Variants in ENO2 observed in about 807,000 individuals in gnomAD.
ENO2 encodes the protein gamma-enolase.
Under a neutral mutation model 48.7 loss-of-function variants are expected in ENO2, and 19 were observed. That is an observed-to-expected ratio of 0.39 (90% CI 0.27 to 0.57). ENO2 has a LOEUF of 0.57. ENO2 is among the 20% of genes least tolerant of loss of function. The pLI, the probability that ENO2 is intolerant of heterozygous loss-of-function variation, is 0.58. For missense variants in ENO2, 416 were observed against 555.0 expected, an observed-to-expected ratio of 0.75 and a Z score of 2.52; for synonymous variants, 198 against 213.4, an observed-to-expected ratio of 0.93 and a Z score of 0.63.
chr12:6,922,918 CCT>C lies in ENO2; in HGVS notation c.*119_*120del. The C allele has an allele frequency of 9.7e-7, 1 of 1,034,014 alleles. No individual in the cohort carries two copies. Among genetic ancestry groups the C allele is most frequent in the Non-Finnish European group, 1.5e-6 (1 of 678,466 alleles). The allele number at this position is 1,034,014 out of a possible 1,614,324, so 64.1% of individuals were successfully genotyped here. On this transcript the variant is annotated 3_prime_UTR_variant, in exon 12 of 12. Coordinates refer to ENST00000229277, the MANE Select transcript of ENO2 (RefSeq NM_001975.3). This position sits in a 1 kb window ranked among gnomAD's most constrained non-coding sequence, Gnocchi z 5.3. ...TGAGCCCCAGGGTGCCCAGAACTTCCCTGATTGACCTGCTCCGCTGCTCCTTG... is the reference window on the plus strand; with the variant it reads ...TGAGCCCCAGGGTGCCCAGAACTTCCGATTGACCTGCTCCGCTGCTCCTTG...
Position 6,916,446 on chromosome 12 carries a change from G to A in ENO2, c.115G>A (p.Ala39Thr). 1 of 1,614,022 alleles carries A rather than the reference G, an allele frequency of 6.2e-7. No homozygotes were observed. The highest frequency in any genetic ancestry group is 8.5e-7 in the Non-Finnish European group (1 of 1,179,978). The part of the protein sequence containing the change: ...GLFRAAVPSG[A>T]STGIYEALEL... ...TTTCCGGGCTGCAGTGCCCAGTGGA[G>A]CCTCTACGGGCATCTATGAGGCCCT... The change falls in exon 3 of 12, where the codon GCC becomes ACC. Residue 39 changes from alanine (A) to threonine (T), a missense_variant. Ala to Thr is a moderately conservative substitution (Grantham distance 58). Transcript: ENST00000229277. The surrounding 1 kb of genome is among the most constrained non-coding windows in gnomAD (Gnocchi z 4.5).
In ENO2 at chr12:6,922,822, G is replaced by C; in HGVS notation, c.*22G>C. 1 of 1,613,016 alleles carries C rather than the reference G, an allele frequency of 6.2e-7. No individual in the cohort carries two copies. Among genetic ancestry groups the C allele is most frequent in the African/African-American group, 1.3e-5 (1 of 74,958 alleles). On this transcript the variant is annotated 3_prime_UTR_variant, in exon 12 of 12. Transcript: ENST00000229277. This position sits in a 1 kb window ranked among gnomAD's most constrained non-coding sequence, Gnocchi z 5.3. ...GTGATTCCTCTGCTTGCCTGGAGAC[G>C]TGGAACCTCTGTCTCATCCTCCTGG...
At position 6,919,704 on chromosome 12, in the gene ENO2, G is replaced by T. The variant is rs782355235; in HGVS notation, c.806G>T (p.Arg269Leu). 74 of 1,613,926 alleles carry T rather than the reference G, an allele frequency of 4.6e-5. No individual in the cohort carries two copies. Among genetic ancestry groups the T allele is most frequent in the Non-Finnish European group, 6.3e-5 (74 of 1,180,034 alleles). The change falls in exon 8 of 12, where the codon CGA (arginine) becomes CTA (leucine). Residue 269 changes from arginine (R) to leucine (L), a missense_variant. By Grantham distance (102) the Arg-to-Leu change is moderately radical. Coordinates refer to ENST00000229277, the MANE Select transcript of ENO2 (RefSeq NM_001975.3). ...TTCAAGTCTCCCACTGATCCTTCCCGATACATCACTGGGGACCAGCTGGGG... is the reference window on the plus strand; with the variant it reads ...TTCAAGTCTCCCACTGATCCTTCCCTATACATCACTGGGGACCAGCTGGGG... The part of the protein sequence containing the change: ...LDFKSPTDPS[R>L]YITGDQLGAL...
At chr12:6,921,877 A>G (rs1415206749) in intron 9 of ENO2, 95 bp downstream of exon 9, 3 of 1,541,458 alleles carry the variant, frequency 1.9e-6, no homozygotes, top group Non-Finnish European at 2.7e-6. Context: ...GGTGCCAAAG[A>G]GAGCGGGGAA....
chr12:6,919,608 C>G lies in ENO2; in HGVS notation c.710C>G (p.Thr237Arg). 1 of 1,614,108 alleles carries G rather than the reference C, an allele frequency of 6.2e-7. No individual in the cohort carries two copies. Among genetic ancestry groups the G allele is most frequent in the South Asian group, 1.1e-5 (1 of 91,072 alleles). Residue 237 changes from threonine to arginine, a missense_variant, in exon 8 of 12, where the codon ACG becomes AGG. Coordinates refer to ENST00000229277, the MANE Select transcript of ENO2 (RefSeq NM_001975.3). ...GAAGCCATCGACAAGGCTGGCTACA[C>G]GGAAAAGATCGTTATTGGCATGGAT... ...VKEAIDKAGYTEKIVIGMDVA... is the reference protein window; with the variant it reads ...VKEAIDKAGYREKIVIGMDVA...
chr12:6,916,615 T>C lies in ENO2; in HGVS notation c.182-56T>C. The C allele has an allele frequency of 1.2e-6, 2 of 1,612,536 alleles. No individual in the cohort carries two copies. The highest frequency in any genetic ancestry group is 1.3e-5 in the African/African-American group (1 of 74,996). The stretch of plus-strand genomic sequence containing the variant: ...TCTAGCATGGCTTCCCCTCCTCCCA[T>C]TGATCCCTTCCGGCCCCTCCTGGCC... On this transcript the variant is annotated intron_variant, in intron 3 of 11. Coordinates refer to ENST00000229277, the MANE Select transcript of ENO2 (RefSeq NM_001975.3). This position sits in a 1 kb window ranked among gnomAD's most constrained non-coding sequence, Gnocchi z 4.5.
At chr12:6,919,869 TAAG>T in intron 8 of ENO2, 106 bp downstream of exon 8, 1 of 1,248,700 alleles carries the variant, frequency 8.0e-7, no homozygotes, top group African/African-American at 1.5e-5. Context: ...GGGGGTGTCC[TAAG>T]AAGAACCTGA....
chr12:6,917,904 G>A (rs782589556), intron 6 of ENO2, 36 bp from the exon 7 acceptor site: 21 of 1,609,928 alleles, frequency 1.3e-5, no homozygotes, highest in Non-Finnish European at 1.7e-5. Context: ...GCAGGGAGGG[G>A]CTCTTTGACC....
rs782476388 is a variant in ENO2, at chr12:6,917,624, G to A, written c.354G>A (p.Val118=). ...ANAILGVSLA[V]CKAGAAEREL... ...CCATCCTGGGTGTGTCTCTGGCCGT[G>A]TGTAAGGCAGGGGCAGCTGAGCGGG... The change falls in exon 6 of 12, where the codon GTG becomes GTA. Residue 118 remains valine, a synonymous_variant. Transcript: ENST00000229277. 48 of 1,613,662 alleles carry A rather than the reference G, an allele frequency of 3.0e-5. No individual in the cohort carries two copies. The highest frequency in any genetic ancestry group is 3.6e-5 in the Non-Finnish European group (43 of 1,179,852).
chr12:6,918,981 CAAAAAAAA>C (rs58247795), intron 7 of ENO2, among the ~76,000 whole-genome samples: 1 of 75,866 alleles, frequency 1.3e-5, no homozygotes, highest in Non-Finnish European at 2.8e-5. Flanking sequence ...GACTCCGTCT[CAAAAAAAA>C]AAAAAAAAAA....
At position 6,922,829 on chromosome 12, in the gene ENO2, C is replaced by T. The variant is rs1945353767; in HGVS notation, c.*29C>T. The T allele has an allele frequency of 6.2e-7, 1 of 1,612,036 alleles. No individual in the cohort carries two copies. Among genetic ancestry groups the T allele is most frequent in the South Asian group, 1.1e-5 (1 of 91,050 alleles). On this transcript the variant is annotated 3_prime_UTR_variant, in exon 12 of 12. Coordinates refer to ENST00000229277, the MANE Select transcript of ENO2 (RefSeq NM_001975.3). The surrounding 1 kb of genome is among the most constrained non-coding windows in gnomAD (Gnocchi z 5.3). ...CTCTGCTTGCCTGGAGACGTGGAACCTCTGTCTCATCCTCCTGGAACCTTG... is the reference window on the plus strand; with the variant it reads ...CTCTGCTTGCCTGGAGACGTGGAACTTCTGTCTCATCCTCCTGGAACCTTG...
chr12:6,918,353 A>ATT (rs111900701), intron 7 of ENO2, among the ~76,000 whole-genome samples, 191 bp downstream of exon 7: 1 of 141,580 alleles, frequency 7.1e-6, no homozygotes, highest in Non-Finnish European at 1.6e-5. Context: ...GGGGGACAGT[A>ATT]TTTTTTTTTT....
Position 6,919,628 on chromosome 12 carries a change from A to G in ENO2, c.730A>G (p.Met244Val). Residue 244 changes from methionine (M) to valine (V), a missense_variant, in exon 8 of 12, where the codon ATG (methionine) becomes GTG (valine). Transcript: ENST00000229277. ...CTACACGGAAAAGATCGTTATTGGC[A>G]TGGATGTTGCTGCCTCAGAGTTTTA... ...AGYTEKIVIG[M>V]DVAASEFYRD... 1 of 1,614,152 alleles carries G rather than the reference A, an allele frequency of 6.2e-7. No individual in the cohort carries two copies. Among genetic ancestry groups the G allele is most frequent in the Non-Finnish European group, 8.5e-7 (1 of 1,180,038 alleles).
rs1945322726 is a variant in ENO2 at position 6,919,692 on chromosome 12, C to T, written c.794C>T (p.Thr265Ile). The T allele has an allele frequency of 6.2e-7, 1 of 1,614,144 alleles. No individual in the cohort carries two copies. The highest frequency in any genetic ancestry group is 1.7e-4 in the Middle Eastern group (1 of 6,056). ...GKYDLDFKSPTDPSRYITGDQ... is the reference protein window; with the variant it reads ...GKYDLDFKSPIDPSRYITGDQ... Reference sequence around the variant, plus strand: ...TATGACTTGGACTTCAAGTCTCCCACTGATCCTTCCCGATACATCACTGGG... The same window carrying T: ...TATGACTTGGACTTCAAGTCTCCCATTGATCCTTCCCGATACATCACTGGG... The change falls in exon 8 of 12, where the codon ACT (threonine) becomes ATT (isoleucine). Residue 265 changes from threonine (T) to isoleucine (I), a missense_variant. Physicochemically the swap from Thr to Ile is moderately conservative, Grantham distance 89. Coordinates refer to ENST00000229277, the MANE Select transcript of ENO2 (RefSeq NM_001975.3).
At chr12:6,915,559 T>C in intron 1 of ENO2, 1 of 475,732 alleles carries the variant, frequency 2.1e-6, no homozygotes, top group Non-Finnish European at 3.9e-6. Context: ...TGCAGTGTTC[T>C]CCCATCTCAT....
At chr12:6,920,704 TGC>T (rs1945332637) in intron 8 of ENO2, among the ~76,000 whole-genome samples, 2 of 125,256 alleles carry the variant, frequency 1.6e-5, no homozygotes, top group Admixed American at 7.9e-5. Flanking sequence ...CTGGCTGGTT[TGC>T]TTTTAATTAA....
At chr12:6,917,014 G>A (rs369056037) in intron 4 of ENO2, 24 bp from the exon 5 acceptor site, 22 of 1,613,804 alleles carry the variant, frequency 1.4e-5, no homozygotes, top group African/African-American at 2.7e-5. Context: ...GCCTGGCCCT[G>A]GGTGATGGAG....
chr12:6,917,884 C>T, intron 6 of ENO2, 56 bp from the exon 7 acceptor site: 1 of 1,602,372 alleles, frequency 6.2e-7, no homozygotes, highest in Non-Finnish European at 8.5e-7. Context: ...GGTTAACACT[C>T]CTGGGGCGGG....
chr12:6,921,490 A>G, intron 8 of ENO2, 91 bp from the exon 9 acceptor site: 1 of 1,335,040 alleles, frequency 7.5e-7, no homozygotes, highest in Non-Finnish European at 1.1e-6. Flanking sequence ...GGGCCTGTCC[A>G]TTTCAGGGAA....
Sources: gnomAD v4.1 joint callset for allele counts (sites outside exome capture counted in the v4.1 genomes callset) on GRCh38, gnomAD v4.1.1 for gene constraint, Gnocchi (gnomAD v3.1) non-coding constraint, MANE v1.5 for transcripts, NCBI Gene and HGNC (gene_info 2026-07-23, HGNC 2026-07-21) for gene names.